PNPT1: variants seen among roughly 807,000 people sequenced by gnomAD.
The protein encoded by PNPT1 is polyribonucleotide nucleotidyltransferase 1.
PNPT1 carries 53 observed loss-of-function variants against 119.5 expected under a neutral mutation model. The observed-to-expected ratio is 0.44, with a 90% confidence interval of 0.36 to 0.56. PNPT1 has a LOEUF of 0.56. PNPT1 is among the 20% of genes least tolerant of loss of function. The probability of loss-of-function intolerance (pLI) is 0.00; values close to 1 mark genes in which losing one functional copy is unlikely to be tolerated. For synonymous variants in PNPT1, 357 were observed against 322.1 expected (o/e 1.11, Z -1.16); for missense variants, 948 against 938.5 (o/e 1.01, Z -0.13).
chr2:55,665,282 G>A (rs980963240), intron 13 of PNPT1, among the ~76,000 whole-genome samples: 1 of 152,104 alleles, frequency 6.6e-6, no homozygotes, highest in Non-Finnish European at 1.5e-5. Flanking sequence ...TTCAAAGATC[G>A]ACTAATGGTC....
chr2:55,680,113 A>T (rs1485457702), intron 7 of PNPT1, among the ~76,000 whole-genome samples: 1 of 152,174 alleles, frequency 6.6e-6, no homozygotes. Context: ...AGCTTACACA[A>T]ATGACTACTC....
Position 55,660,201 on chromosome 2 carries a change from TA to T in PNPT1, c.1248-9del. 1.3e-6 allele frequency: 2 copies of T among 1,585,944 alleles called. No homozygotes were observed. The highest frequency in any genetic ancestry group is 1.7e-6 in the Non-Finnish European group (2 of 1,165,920). Reference sequence around the variant, plus strand: ...TTTTTATCTTTTATCCCACTAAAAATAAAAGGCATAATATTAAAAACATCAT... The same window carrying T: ...TTTTTATCTTTTATCCCACTAAAAATAAAGGCATAATATTAAAAACATCAT... On this transcript the variant is annotated splice_polypyrimidine_tract_variant and intron_variant, in intron 14 of 27. Coordinates refer to ENST00000447944, the MANE Select transcript of PNPT1 (RefSeq NM_033109.5).
chr2:55,635,189 C>G lies in PNPT1; in HGVS notation c.*1048G>C, dbSNP rs1572788751. On this transcript the variant is annotated 3_prime_UTR_variant, in exon 28 of 28. Transcript: ENST00000447944. ...AACTTGACATGTGTATCAGTAACCT[C>G]TAAACATCTATTTCAAACATCTATT... 1 of 152,196 alleles carries G rather than the reference C, an allele frequency of 6.6e-6. No individual in the cohort carries two copies. Among genetic ancestry groups the G allele is most frequent in the South Asian group, 2.1e-4 (1 of 4,830 alleles). The allele number at this position is 152,196 out of a possible 1,614,324, so 9.4% of individuals were successfully genotyped here.
At chr2:55,671,178 T>C in intron 11 of PNPT1, 141 bp downstream of exon 11, 1 of 457,116 alleles carries the variant, frequency 2.2e-6, no homozygotes, top group Non-Finnish European at 3.9e-6. Context: ...GCTGTAAAGT[T>C]GAAAGTCCTT....
At chr2:55,643,077 G>A (rs1695882934) in intron 25 of PNPT1, 81 bp downstream of exon 25, 1 of 1,446,062 alleles carries the variant, frequency 6.9e-7, no homozygotes. Context: ...TGGCACCACT[G>A]TATCCCACTG....
At chr2:55,689,763 T>C (rs923393153) in intron 1 of PNPT1, among the ~76,000 whole-genome samples, 1 of 152,182 alleles carries the variant, frequency 6.6e-6, no homozygotes, top group South Asian at 2.1e-4. Flanking sequence ...AAATTGATGG[T>C]GGTAATGGCT....
At chr2:55,668,439 T>C (rs929165650) in intron 11 of PNPT1, among the ~76,000 whole-genome samples, 3 of 152,230 alleles carry the variant, frequency 2.0e-5, no homozygotes, top group African/African-American at 7.2e-5. Flanking sequence ...GGTTTTACCA[T>C]GTGGCCCAGG....
rs1246087488 is a variant in PNPT1 at position 55,667,091 on chromosome 2, C to T, written c.1076G>A (p.Cys359Tyr). 1.2e-6 allele frequency: 2 copies of T among 1,609,904 alleles called. No homozygotes were observed. Among genetic ancestry groups the T allele is most frequent in the East Asian group, 4.5e-5 (2 of 44,816 alleles). ...AAGTGAAGTCAAATCCCGACCATCG[C>T]ACCTATAGTGATATAGGAAATAAGT... ...RSIVLNEYKR[C>Y]DGRDLTSLRN... Residue 359 changes from cysteine to tyrosine, a missense_variant and splice_region_variant, in exon 13 of 28, where the codon TGC becomes TAC. Coordinates refer to ENST00000447944, the MANE Select transcript of PNPT1 (RefSeq NM_033109.5).
In PNPT1 at chr2:55,660,035, G is replaced by A. The variant is rs1313058201; in HGVS notation, c.1284+122C>T. 3 of 905,678 alleles carry A rather than the reference G, an allele frequency of 3.3e-6. No individual in the cohort carries two copies. In the Admixed American group the frequency reaches 1.1e-4, roughly 33 times the overall value. 56.1% of individuals were successfully genotyped at this position (905,678 alleles called of 1,614,324 possible). On this transcript the variant is annotated intron_variant, in intron 15 of 27. Coordinates refer to ENST00000447944, the MANE Select transcript of PNPT1 (RefSeq NM_033109.5). Reference sequence around the variant, plus strand: ...GGGAGGATGTCTTGAGCCTGGGAGGGAGAGGTTGCAGTGAGCTGAGACTGC... The same window carrying A: ...GGGAGGATGTCTTGAGCCTGGGAGGAAGAGGTTGCAGTGAGCTGAGACTGC...
chr2:55,643,639 T>A (rs1181793187), intron 23 of PNPT1, among the ~76,000 whole-genome samples: 1 of 151,926 alleles, frequency 6.6e-6, no homozygotes, highest in Non-Finnish European at 1.5e-5. Flanking sequence ...TACTTGGGAC[T>A]CACAGTCGGG....
chr2:55,651,450 G>C (rs1253627810), intron 18 of PNPT1, among the ~76,000 whole-genome samples: 12 of 152,020 alleles, frequency 7.9e-5, no homozygotes, highest in Non-Finnish European at 1.6e-4. Context: ...TTCTGCCTTG[G>C]GATCCTGTTG....
intron 18 of PNPT1, 125 bp downstream of exon 18, chr2:55,654,775 T>G: frequency 1.3e-6 from 1 of 770,432 alleles, no homozygotes. Flanking sequence ...GAGGTCTTGC[T>G]ATGTTGCCCA....
At chr2:55,657,148 G>C (rs1465224815) in intron 15 of PNPT1, among the ~76,000 whole-genome samples, 1 of 151,994 alleles carries the variant, frequency 6.6e-6, no homozygotes, top group Non-Finnish European at 1.5e-5. Flanking sequence ...GGCCAACATG[G>C]TGAGACCCTG....
chr2:55,667,971 G>T lies in PNPT1; in HGVS notation c.977-13C>A, dbSNP rs200689366. On this transcript the variant is annotated splice_polypyrimidine_tract_variant and intron_variant, in intron 11 of 27. Coordinates refer to ENST00000447944, the MANE Select transcript of PNPT1 (RefSeq NM_033109.5). ...TCTGGAAATTTTTCTATAGAAAAAA[G>T]ACAAACCAAAACAAAGATTTTTACT... 2 of 1,568,948 alleles carry T rather than the reference G, an allele frequency of 1.3e-6. No homozygotes were observed. Among genetic ancestry groups the T allele is most frequent in the South Asian group, 2.4e-5 (2 of 83,842 alleles).
intron 11 of PNPT1, among the ~76,000 whole-genome samples, chr2:55,668,496 G>A (rs62165227): frequency 0.077 from 11,750 of 151,906 alleles, 626 homozygotes; most frequent in Middle Eastern, 0.14. Flanking sequence ...CCTTGGCCTC[G>A]CAAAGTGCTA....
chr2:55,687,244 A>C (rs1437746587), intron 2 of PNPT1, among the ~76,000 whole-genome samples: 1 of 147,320 alleles, frequency 6.8e-6, no homozygotes, highest in East Asian at 2.0e-4. Context: ...GATCGAGACC[A>C]TCCTGGCCAA....
At chr2:55,668,682 C>T (rs1294998064) in intron 11 of PNPT1, among the ~76,000 whole-genome samples, 1 of 152,184 alleles carries the variant, frequency 6.6e-6, no homozygotes, top group Non-Finnish European at 1.5e-5. Flanking sequence ...TCACCGCAAC[C>T]ATCGCCTCCT....
intron 2 of PNPT1, among the ~76,000 whole-genome samples, chr2:55,686,861 C>T (rs1412799544): frequency 2.0e-5 from 3 of 152,100 alleles, no homozygotes; most frequent in East Asian, 1.9e-4. Context: ...TGGGCACGGT[C>T]GCTCACACTT....
At chr2:55,673,910 A>T (rs1696988333) in intron 8 of PNPT1, among the ~76,000 whole-genome samples, 1 of 151,904 alleles carries the variant, frequency 6.6e-6, no homozygotes, top group Non-Finnish European at 1.5e-5. Context: ...TTTAGTAGGG[A>T]CGGGGTTTTG....
Sources: gnomAD v4.1 joint callset for allele counts (sites outside exome capture counted in the v4.1 genomes callset) on GRCh38, gnomAD v4.1.1 for gene constraint, MANE v1.5 for transcripts, NCBI Gene and HGNC (gene_info 2026-07-23, HGNC 2026-07-21) for gene names.